The following ENPP1 variants were observed in gnomAD, a reference collection of about 807,000 sequenced individuals.
ENPP1 encodes ectonucleotide pyrophosphatase/phosphodiesterase 1.
In ENPP1, 73 loss-of-function variants were observed where a neutral mutation model predicts 122.8. The observed-to-expected ratio is 0.59, with a 90% CI of 0.49 to 0.72. The LOEUF (loss-of-function observed/expected upper bound fraction) is 0.72, where lower values mean the gene tolerates loss of function less well. ENPP1 is among the 30% of genes least tolerant of loss of function. ENPP1 has a pLI of 0.00. For missense variants in ENPP1, 978 were observed against 1,128.1 expected (o/e 0.87, Z 1.91); for synonymous variants, 367 against 391.6 (o/e 0.94, Z 0.74).
intron 1 of ENPP1, among the ~76,000 whole-genome samples, chr6:131,838,895 C>T (rs1394865220): frequency 6.6e-6 from 1 of 152,068 alleles, no homozygotes; most frequent in African/African-American, 2.4e-5. Flanking sequence ...AGAAAAAATA[C>T]AACTTATCAA....
chr6:131,861,503 G>A (rs765663363), intron 8 of ENPP1, 92 bp from the exon 9 acceptor site: 15 of 817,640 alleles, frequency 1.8e-5, no homozygotes, highest in Admixed American at 1.4e-4. Context: ...TCTAGCACTA[G>A]AGAGGAATGC....
At chr6:131,828,214 GCAT>G (rs2114667513) in intron 1 of ENPP1, 1 of 564,974 alleles carries the variant, frequency 1.8e-6, no homozygotes, top group African/African-American at 1.9e-5. Context: ...ATGTTCCAAG[GCAT>G]GGTGCAATGA....
intron 1 of ENPP1, 106 bp from the exon 2 acceptor site, chr6:131,847,670 T>C: frequency 1.3e-6 from 1 of 791,618 alleles, no homozygotes; most frequent in African/African-American, 1.7e-5. Context: ...CATGCCACTG[T>C]ACCCTAGCCT....
chr6:131,827,705 A>G (rs2114666884), intron 1 of ENPP1: 1 of 665,058 alleles, frequency 1.5e-6, no homozygotes, highest in East Asian at 2.9e-5. Context: ...ACTTTTTCAA[A>G]GATGGCTGTG....
intron 13 of ENPP1, among the ~76,000 whole-genome samples, chr6:131,870,455 C>G: frequency 6.6e-6 from 1 of 152,132 alleles, no homozygotes; most frequent in East Asian, 1.9e-4. Flanking sequence ...TGATTACCAT[C>G]CATGATAACT....
intron 12 of ENPP1, among the ~76,000 whole-genome samples, chr6:131,868,532 T>C (rs552096901): frequency 6.6e-6 from 1 of 152,274 alleles, no homozygotes; most frequent in South Asian, 2.1e-4. Context: ...CTCAACTTCC[T>C]GGGCTCAAGT....
intron 7 of ENPP1, among the ~76,000 whole-genome samples, chr6:131,859,678 T>C (rs1435665044): frequency 5.3e-5 from 8 of 152,080 alleles, no homozygotes; most frequent in Non-Finnish European, 1.2e-4. Context: ...GGGGGTACCT[T>C]GCCTCTAGTG....
intron 21 of ENPP1, among the ~76,000 whole-genome samples, chr6:131,883,266 G>C (rs1662631269): frequency 1.3e-5 from 2 of 152,308 alleles, no homozygotes; most frequent in South Asian, 4.1e-4. Flanking sequence ...ATACAGAGAA[G>C]CCTTGTATGG....
At chr6:131,888,253 T>C (rs1438681918) in intron 24 of ENPP1, among the ~76,000 whole-genome samples, 3 of 147,270 alleles carry the variant, frequency 2.0e-5, no homozygotes, top group Non-Finnish European at 4.5e-5. Context: ...TTTTTTTTCA[T>C]TGAAGTGACA....
At chr6:131,813,025 G>A (rs1297782432) in intron 1 of ENPP1, among the ~76,000 whole-genome samples, 1 of 151,984 alleles carries the variant, frequency 6.6e-6, no homozygotes, top group Non-Finnish European at 1.5e-5. Context: ...TATTTTAGTA[G>A]AGACAGGGTT....
At chr6:131,814,716 C>T (rs1273218668) in intron 1 of ENPP1, among the ~76,000 whole-genome samples, 2 of 152,178 alleles carry the variant, frequency 1.3e-5, no homozygotes, top group Admixed American at 1.3e-4. Flanking sequence ...AATTTGTTAT[C>T]TGTCCAGCCA....
In ENPP1 at chr6:131,883,914, C is replaced by T. The variant is rs182204095; in HGVS notation, c.2311+140C>T. The T allele has an allele frequency of 1.5e-4, 85 of 583,360 alleles. 1 individual carries two copies. The highest frequency in any genetic ancestry group is 2.5e-4 in the Non-Finnish European group (81 of 319,846). 36.1% of individuals were successfully genotyped at this position (583,360 alleles called of 1,614,324 possible). On this transcript the variant is annotated intron_variant, in intron 22 of 24. Coordinates refer to ENST00000647893, the MANE Select transcript of ENPP1 (RefSeq NM_006208.3). Reference sequence around the variant, plus strand: ...TCTTAAAGGTTTAACTTTGAGAATACTAGTACACAAAAATTCTACAAATTA... The same window carrying T: ...TCTTAAAGGTTTAACTTTGAGAATATTAGTACACAAAAATTCTACAAATTA...
chr6:131,811,616 G>T (rs1282524801), intron 1 of ENPP1, among the ~76,000 whole-genome samples: 1 of 152,040 alleles, frequency 6.6e-6, no homozygotes, highest in Non-Finnish European at 1.5e-5. Context: ...GCTATTGGTT[G>T]GCTATACATT....
chr6:131,886,485 A>G (rs1228240204), intron 23 of ENPP1, 77 bp from the exon 24 acceptor site: 1 of 1,089,988 alleles, frequency 9.2e-7, no homozygotes, highest in African/African-American at 1.6e-5. Context: ...ATGTATTAAA[A>G]GCATGCTCTA....
In ENPP1 at chr6:131,855,050, G is replaced by T. The variant is rs1232007331; in HGVS notation, c.715+27G>T. 2.1e-6 allele frequency: 3 copies of T among 1,412,702 alleles called. No individual in the cohort carries two copies. The African/African-American group carries it at 4.2e-5, about 20-fold the overall frequency. The allele number at this position is 1,412,702 out of a possible 1,614,324, so 87.5% of individuals were successfully genotyped here. On this transcript the variant is annotated intron_variant, in intron 6 of 24. Transcript: ENST00000647893. Reference sequence around the variant, plus strand: ...TGAGTAACTTCAGAGTTTACTGCTGGAATATCACCATTTCAGTGAGATTGA... The same window carrying T: ...TGAGTAACTTCAGAGTTTACTGCTGTAATATCACCATTTCAGTGAGATTGA...
intron 1 of ENPP1, among the ~76,000 whole-genome samples, chr6:131,829,374 T>C (rs896601993): frequency 6.6e-6 from 1 of 152,242 alleles, no homozygotes; most frequent in African/African-American, 2.4e-5. Flanking sequence ...CTTTTCTTTT[T>C]TTAAACCAAC....
intron 9 of ENPP1, among the ~76,000 whole-genome samples, chr6:131,863,914 CA>C (rs571519883): frequency 1.4e-3 from 212 of 151,050 alleles, no homozygotes; most frequent in African/African-American, 5.0e-3. Context: ...GACTCTGTCT[CA>C]AAAAAAACAA....
rs1327849972 is a variant in ENPP1, at chr6:131,891,812, G to A, written c.*1301G>A. The A allele has an allele frequency of 1.4e-5, 2 of 138,816 alleles. No individual in the cohort carries two copies. Among genetic ancestry groups the A allele is most frequent in the East Asian group, 4.3e-4 (2 of 4,646 alleles). The allele number at this position is 138,816 out of a possible 1,614,324, so 8.6% of individuals were successfully genotyped here. ...AGCTCTGTATATGATATTTTTTTCA[G>A]CCTGCTTCTCTCTGTTGTTCAGATT... On this transcript the variant is annotated 3_prime_UTR_variant, in exon 25 of 25. Coordinates refer to ENST00000647893, the MANE Select transcript of ENPP1 (RefSeq NM_006208.3).
At chr6:131,869,319 A>G in intron 12 of ENPP1, 39 bp from the exon 13 acceptor site, 1 of 1,608,624 alleles carries the variant, frequency 6.2e-7, no homozygotes, top group Non-Finnish European at 8.5e-7. Flanking sequence ...ATTTTTTGTT[A>G]AAGTTACAGC....
Sources: allele counts gnomAD v4.1 joint callset (sites outside exome capture counted in the v4.1 genomes callset), GRCh38; gene constraint gnomAD v4.1.1; transcripts MANE v1.5; gene names NCBI Gene and HGNC (gene_info 2026-07-23, HGNC 2026-07-21).